The following SAMD3 variants were observed in gnomAD, a reference collection of about 807,000 sequenced individuals.
SAMD3 encodes the protein sterile alpha motif domain containing 3, also known as sterile alpha motif domain-containing protein 3.
SAMD3 carries 63 observed loss-of-function variants against 58.5 expected under a neutral mutation model. The observed-to-expected ratio is 1.08, with a 90% CI of 0.88 to 1.33. The LOEUF is 1.33. Among genes scored for constraint, SAMD3 ranks in the 40% most tolerant of loss-of-function variants. SAMD3 has a pLI of 0.00. For missense variants in SAMD3, 604 were observed against 608.4 expected, an observed-to-expected ratio of 0.99 and a Z score of 0.08; for synonymous variants, 220 against 210.3, an observed-to-expected ratio of 1.05 and a Z score of -0.40.
chr6:130,275,009 G>A (rs1774725233), intron 2 of SAMD3, among the ~76,000 whole-genome samples: 1 of 152,060 alleles, frequency 6.6e-6, no homozygotes, highest in Admixed American at 6.6e-5. Context: ...CATCAACTGG[G>A]ATCTTACATG....
At chr6:130,169,494 G>A (rs991912254) in intron 8 of SAMD3, among the ~76,000 whole-genome samples, 1 of 152,172 alleles carries the variant, frequency 6.6e-6, no homozygotes, top group Admixed American at 6.5e-5. Context: ...TGTTGTCTCT[G>A]TAGACGTCAA....
At chr6:130,270,621 C>G (rs1774523920) in intron 2 of SAMD3, among the ~76,000 whole-genome samples, 1 of 152,172 alleles carries the variant, frequency 6.6e-6, no homozygotes, top group Non-Finnish European at 1.5e-5. Flanking sequence ...CATGCATAGT[C>G]TAAACATCAC....
intron 2 of SAMD3, chr6:130,216,055 G>A (rs1795987234): frequency 2.6e-6 from 1 of 388,744 alleles, no homozygotes; most frequent in Non-Finnish European, 4.6e-6. Context: ...AAATTGGAAA[G>A]TAATTATTTA....
rs1294103440 is a variant in SAMD3, at chr6:130,214,346, G to T, written c.260C>A (p.Ala87Glu). Residue 87 changes from alanine to glutamate, a missense_variant, in exon 4 of 12, where the codon GCA (alanine) becomes GAA (glutamate). Transcript: ENST00000439090. ...TTATGAACATACTCACTCTCGAGCT[G>T]CTTCTGTTTGCATGACCAGGGCTGC... is the stretch of plus-strand genomic sequence containing the variant. ...KKAALVMQTE[A>E]ARDYRDEESS... 6.3e-7 allele frequency: 1 copy of T among 1,593,296 alleles called. No homozygotes were observed. The highest frequency in any genetic ancestry group is 8.5e-7 in the Non-Finnish European group (1 of 1,172,258).
intron 2 of SAMD3, among the ~76,000 whole-genome samples, chr6:130,238,440 C>T (rs1049828942): frequency 1.3e-5 from 2 of 151,402 alleles, no homozygotes; most frequent in African/African-American, 4.9e-5. Context: ...ATTCTTTAAA[C>T]TAATATGAGT....
At chr6:130,267,472 T>C (rs1400400001) in intron 2 of SAMD3, among the ~76,000 whole-genome samples, 1 of 152,126 alleles carries the variant, frequency 6.6e-6, no homozygotes, top group Non-Finnish European at 1.5e-5. Flanking sequence ...GAACTGCCAC[T>C]AATAAAAAGT....
At chr6:130,144,289 A>G (rs1788416437), downstream of SAMD3, 1 of 506,792 alleles carries the variant, frequency 2.0e-6, no homozygotes, top group African/African-American at 2.0e-5. Context: ...CGGAATTTCT[A>G]AAAACTCAAA....
chr6:130,240,830 A>G (rs1475156368), intron 2 of SAMD3, among the ~76,000 whole-genome samples: 1 of 152,062 alleles, frequency 6.6e-6, no homozygotes, highest in Non-Finnish European at 1.5e-5. Context: ...TTGTTCTTAG[A>G]CTTCCCGGCC....
intron 5 of SAMD3, among the ~76,000 whole-genome samples, chr6:130,190,345 C>T (rs1582858962): frequency 6.6e-6 from 1 of 151,128 alleles, no homozygotes; most frequent in South Asian, 2.1e-4. Flanking sequence ...TGTAATCCAT[C>T]CTCAAGAGTA....
chr6:130,274,401 A>T (rs1774697738), intron 2 of SAMD3, among the ~76,000 whole-genome samples: 1 of 152,196 alleles, frequency 6.6e-6, no homozygotes, highest in Admixed American at 6.5e-5. Flanking sequence ...ACTGTCTGGA[A>T]AATCCCAGGC....
rs192159774 is a variant in SAMD3 at position 130,344,421 on chromosome 6, G to A, written c.-304+20699C>T. On this transcript the variant is annotated intron_variant, in intron 1 of 13. Transcript: ENST00000368134. ...ACGGGGGACAGAGTCTCGCTCTGTC[G>A]CCCAGGCTGGAGTGCAGCGATGTGA... 8.4e-3 allele frequency among the ~76,000 whole-genome samples: 1,275 copies of A among 152,068 alleles called. 11 individuals carry two copies. The highest frequency in any genetic ancestry group is 0.015 in the Non-Finnish European group (1,006 of 67,980).
chr6:130,254,504 T>C (rs1471154834), intron 2 of SAMD3, among the ~76,000 whole-genome samples: 2 of 152,138 alleles, frequency 1.3e-5, no homozygotes, highest in South Asian at 2.1e-4. Flanking sequence ...CCTTTTTGTA[T>C]TTTTAGTAGA....
intron 2 of SAMD3, among the ~76,000 whole-genome samples, chr6:130,243,857 T>C (rs535817534): frequency 1.1e-3 from 161 of 152,136 alleles, no homozygotes; most frequent in Non-Finnish European, 1.9e-3. Flanking sequence ...AATAAAAAAT[T>C]TCAAAATGTA....
At chr6:130,314,328 C>G (rs372515624) in intron 1 of SAMD3, among the ~76,000 whole-genome samples, 5 of 152,102 alleles carry the variant, frequency 3.3e-5, no homozygotes, top group African/African-American at 1.2e-4. Context: ...ATAAAGGGAC[C>G]TCCAAAATAG....
chr6:130,276,161 A>C (rs1158504496), intron 2 of SAMD3, among the ~76,000 whole-genome samples: 1 of 152,100 alleles, frequency 6.6e-6, no homozygotes, highest in African/African-American at 2.4e-5. Flanking sequence ...AAACCAAAGA[A>C]AGTATGTGGC....
At chr6:130,205,176 G>A (rs939505971) in intron 5 of SAMD3, among the ~76,000 whole-genome samples, 251 of 145,696 alleles carry the variant, frequency 1.7e-3, no homozygotes, top group Non-Finnish European at 2.9e-3. Flanking sequence ...AAAAAAATTA[G>A]TATATGGATT....
intron 2 of SAMD3, among the ~76,000 whole-genome samples, chr6:130,242,435 T>C (rs1464852418): frequency 1.3e-5 from 2 of 152,352 alleles, no homozygotes; most frequent in Admixed American, 1.3e-4. Flanking sequence ...CGAAAAGTTC[T>C]TGTTTTCTAG....
intron 1 of SAMD3, among the ~76,000 whole-genome samples, chr6:130,339,184 C>G (rs1777191856): frequency 6.6e-6 from 1 of 152,060 alleles, no homozygotes; most frequent in Non-Finnish European, 1.5e-5. Flanking sequence ...GTAGCTGGGA[C>G]TACAGGTGCC....
intron 8 of SAMD3, among the ~76,000 whole-genome samples, chr6:130,172,396 G>A (rs1791333400): frequency 6.6e-6 from 1 of 152,130 alleles, no homozygotes; most frequent in Non-Finnish European, 1.5e-5. Flanking sequence ...TGTAAAGCAG[G>A]CCCAGTGGTG....
Sources: gnomAD v4.1 joint callset for allele counts (sites outside exome capture counted in the v4.1 genomes callset) on GRCh38, gnomAD v4.1.1 for gene constraint, MANE v1.5 for transcripts, NCBI Gene and HGNC (gene_info 2026-07-23, HGNC 2026-07-21) for gene names.